The following GID4 variants were observed in gnomAD, a reference collection of about 807,000 sequenced individuals.
The protein encoded by GID4 is glucose-induced degradation protein 4 homolog.
GID4 carries 7 observed loss-of-function variants against 32.4 expected under a neutral mutation model. The ratio of observed to expected loss-of-function variants is 0.22; its 90% CI spans 0.12 to 0.41. The LOEUF (loss-of-function observed/expected upper bound fraction) is 0.41, where lower values mean the gene tolerates loss of function less well. Among genes scored for constraint, GID4 ranks in the 10% least tolerant of loss-of-function variants. The pLI is 1.00. For synonymous variants in GID4, 166 were observed against 170.0 expected (o/e 0.98, Z 0.18); for missense variants, 309 against 400.0 (o/e 0.77, Z 1.94).
At chr17:18,046,518 G>GT (rs1327193536) in intron 2 of GID4, among the ~76,000 whole-genome samples, 1 of 152,104 alleles carries the variant, frequency 6.6e-6, no homozygotes, top group Non-Finnish European at 1.5e-5. Context: ...TGAGGCTGGA[G>GT]TATCGCTTGA....
At chr17:18,042,433 GC>G (rs1234197357) in intron 1 of GID4, among the ~76,000 whole-genome samples, 3 of 152,140 alleles carry the variant, frequency 2.0e-5, no homozygotes, top group Non-Finnish European at 2.9e-5. Context: ...CCTTCACTTA[GC>G]ATAATGTCCT....
intron 3 of GID4, among the ~76,000 whole-genome samples, 163 bp downstream of exon 3, chr17:18,054,397 G>A (rs1221659356): frequency 6.6e-6 from 1 of 152,144 alleles, no homozygotes; most frequent in Non-Finnish European, 1.5e-5. Flanking sequence ...TTCCTTATGA[G>A]GACAGTTTAA....
intron 2 of GID4, among the ~76,000 whole-genome samples, chr17:18,052,787 C>T (rs186112316): frequency 6.7e-4 from 102 of 152,260 alleles, no homozygotes; most frequent in Non-Finnish European, 3.2e-4. Flanking sequence ...ACGTTTTCCA[C>T]GGTGTGGTTT....
intron 1 of GID4, among the ~76,000 whole-genome samples, chr17:18,044,290 T>A (rs2044831168): frequency 6.6e-6 from 1 of 152,314 alleles, no homozygotes; most frequent in Non-Finnish European, 1.5e-5. Flanking sequence ...CCTGTGTGCC[T>A]TAGATCCATC....
At chr17:18,057,705 G>C (rs1320020416) in intron 3 of GID4, among the ~76,000 whole-genome samples, 1 of 151,646 alleles carries the variant, frequency 6.6e-6, no homozygotes, top group Non-Finnish European at 1.5e-5. Context: ...ATACAGTTTT[G>C]TAACCTATTC....
chr17:18,048,201 G>A (rs1171193987), intron 2 of GID4, among the ~76,000 whole-genome samples: 1 of 145,622 alleles, frequency 6.9e-6, no homozygotes, highest in Non-Finnish European at 1.5e-5. Context: ...ACGCCTGGCC[G>A]ATAACTTTTT....
chr17:18,047,714 C>T (rs1010284038), intron 2 of GID4, among the ~76,000 whole-genome samples: 9 of 152,198 alleles, frequency 5.9e-5, no homozygotes, highest in African/African-American at 1.2e-4. Context: ...AAATAGACCA[C>T]GTTATGCTGC....
Position 18,039,812 on chromosome 17 carries a change from C to T in GID4, c.348C>T (p.Gly116=). 3 of 1,577,092 alleles carry T rather than the reference C, an allele frequency of 1.9e-6. No homozygotes were observed. Among genetic ancestry groups the T allele is most frequent in the Non-Finnish European group, 2.6e-6 (3 of 1,162,848 alleles). ...PPPPINTQQP[G]VATSLLYSGS... ...CGCCCATCAACACCCAGCAGCCCGG[C>T]GTGGCCACCAGCCTGCTCTACAGCG... Residue 116 remains glycine, a synonymous_variant, in exon 1 of 6, where the codon GGC becomes GGT. Coordinates refer to ENST00000268719, the MANE Select transcript of GID4 (RefSeq NM_024052.5). The surrounding 1 kb of genome is among the most constrained non-coding windows in gnomAD (Gnocchi z 5.3).
At position 18,054,250 on chromosome 17, in the gene GID4, C is replaced by T. The variant is rs2044943057; in HGVS notation, c.606+16C>T. 7.5e-6 allele frequency: 11 copies of T among 1,469,034 alleles called. No individual in the cohort carries two copies. The South Asian group carries it at 1.3e-4, about 17-fold the overall frequency. 91.0% of individuals were successfully genotyped at this position (1,469,034 alleles called of 1,614,324 possible). A position where few individuals can be genotyped will look rare whatever the true frequency, so the allele number is the denominator to read the frequency against. Reference sequence around the variant, plus strand: ...GAAACACTGGGTGAGTAAATCTGATCTGTGCTGGGTCATCTAGGGGCTGCT... The same window carrying T: ...GAAACACTGGGTGAGTAAATCTGATTTGTGCTGGGTCATCTAGGGGCTGCT... On this transcript the variant is annotated intron_variant, in intron 3 of 5. Transcript: ENST00000268719.
At chr17:18,059,606 T>C (rs1341518497) in intron 4 of GID4, among the ~76,000 whole-genome samples, 1 of 152,158 alleles carries the variant, frequency 6.6e-6, no homozygotes, top group Non-Finnish European at 1.5e-5. Flanking sequence ...TAACGTGATA[T>C]TTACAGCCCC....
intron 2 of GID4, among the ~76,000 whole-genome samples, chr17:18,052,166 G>T (rs550712578): frequency 2.6e-5 from 4 of 151,558 alleles, no homozygotes; most frequent in Admixed American, 6.6e-5. Flanking sequence ...TTCAGTCTAT[G>T]TATTTAAATA....
intron 2 of GID4, among the ~76,000 whole-genome samples, chr17:18,052,336 T>C (rs535010045): frequency 6.6e-6 from 1 of 152,164 alleles, no homozygotes; most frequent in Admixed American, 6.5e-5. Context: ...GGTGGTGACG[T>C]TCTGTTTCCT....
intron 2 of GID4, among the ~76,000 whole-genome samples, chr17:18,045,575 T>G (rs1315547785): frequency 6.6e-6 from 1 of 152,098 alleles, no homozygotes; most frequent in Admixed American, 6.6e-5. Context: ...TTTAAGTTCT[T>G]TAAGCCTCTT....
chr17:18,052,933 C>G (rs2044926674), intron 2 of GID4, among the ~76,000 whole-genome samples: 1 of 151,112 alleles, frequency 6.6e-6, no homozygotes, highest in South Asian at 2.1e-4. Context: ...TATTCTAAGA[C>G]TACCTTCAGG....
intron 2 of GID4, among the ~76,000 whole-genome samples, chr17:18,045,891 CAA>C (rs549347770): frequency 5.1e-4 from 41 of 80,516 alleles, no homozygotes; most frequent in Admixed American, 9.6e-4. Context: ...GACCCTGTCT[CAA>C]AAAAAAAAAA....
At chr17:18,051,758 C>G (rs1012835023) in intron 2 of GID4, among the ~76,000 whole-genome samples, 2 of 150,994 alleles carry the variant, frequency 1.3e-5, no homozygotes, top group Non-Finnish European at 2.9e-5. Flanking sequence ...GTAGTCTTTC[C>G]TAGAACAGAT....
At chr17:18,040,174 G>A (rs2145541911) in intron 1 of GID4, among the ~76,000 whole-genome samples, 1 of 152,288 alleles carries the variant, frequency 6.6e-6, no homozygotes, top group Admixed American at 6.5e-5. Context: ...CGGCCCGTCT[G>A]GGATCCGGAA....
intron 1 of GID4, among the ~76,000 whole-genome samples, chr17:18,044,694 C>T (rs1311870726): frequency 6.6e-6 from 1 of 152,116 alleles, no homozygotes; most frequent in Non-Finnish European, 1.5e-5. Context: ...GAGCAGACCT[C>T]CTAGACCAAT....
rs1387022799 is a variant in GID4, at chr17:18,065,603, C to T, written c.*360C>T. On this transcript the variant is annotated 3_prime_UTR_variant, in exon 6 of 6. Coordinates refer to ENST00000268719, the MANE Select transcript of GID4 (RefSeq NM_024052.5). The stretch of plus-strand genomic sequence containing the variant: ...AGAAGGTCTGCTCCCGGATCACCCT[C>T]AGCCTTGGTGCTCAGTGGTCCCGAG... 1.3e-5 allele frequency: 4 copies of T among 314,810 alleles called. No individual in the cohort carries two copies. Among genetic ancestry groups the T allele is most frequent in the African/African-American group, 2.2e-5 (1 of 45,556 alleles). 19.5% of individuals were successfully genotyped at this position (314,810 alleles called of 1,614,324 possible).
Sources: gnomAD v4.1 joint callset for allele counts (sites outside exome capture counted in the v4.1 genomes callset) on GRCh38, gnomAD v4.1.1 for gene constraint, Gnocchi (gnomAD v3.1) non-coding constraint, MANE v1.5 for transcripts, NCBI Gene and HGNC (gene_info 2026-07-23, HGNC 2026-07-21) for gene names.